Variants in SGK3 observed in about 807,000 individuals in gnomAD.
SGK3 encodes the protein serum/glucocorticoid regulated kinase family member 3, also known as serine/threonine-protein kinase Sgk3.
SGK3 carries 47 observed loss-of-function variants against 68.5 expected under a neutral mutation model. That is an observed-to-expected ratio of 0.69 (90% CI 0.54 to 0.87). The LOEUF (loss-of-function observed/expected upper bound fraction) is 0.87, where lower values mean the gene tolerates loss of function less well. Among genes scored for constraint, SGK3 ranks in the 40% least tolerant of loss-of-function variants. The probability of loss-of-function intolerance (pLI) is 0.00; values close to 1 mark genes in which losing one functional copy is unlikely to be tolerated. For synonymous variants in SGK3, 181 were observed against 189.1 expected, an observed-to-expected ratio of 0.96 and a Z score of 0.35; for missense variants, 479 against 575.5, an observed-to-expected ratio of 0.83 and a Z score of 1.72.
At chr8:66,753,214 CA>C (rs1343176903) in intron 1 of SGK3, among the ~76,000 whole-genome samples, 1 of 151,914 alleles carries the variant, frequency 6.6e-6, no homozygotes, top group Non-Finnish European at 1.5e-5. Flanking sequence ...AAAAACTAGG[CA>C]AAAAAAGTTA....
rs1003178380 is a variant in SGK3, at chr8:66,836,769, A to G, written c.741+695A>G. ...ATTCTGCCTTAAACAAAGTCAGGAT[A>G]TCTTTTTTTTTTTTTTTTTTTTTTT... On this transcript the variant is annotated intron_variant, in intron 10 of 16. Coordinates refer to ENST00000521198, the MANE Select transcript of SGK3 (RefSeq NM_001033578.3). Among the ~76,000 whole-genome samples the G allele has an allele frequency of 3.5e-5, 5 of 143,232 alleles. No individual in the cohort carries two copies. In the East Asian group the frequency reaches 8.2e-4, roughly 23 times the overall value. 94.0% of individuals were successfully genotyped at this position (143,232 alleles called of 152,430 possible).
intron 3 of SGK3, among the ~76,000 whole-genome samples, chr8:66,802,541 C>A (rs1807988079): frequency 6.6e-6 from 1 of 151,900 alleles, no homozygotes; most frequent in Admixed American, 6.6e-5. Flanking sequence ...AATAAGACAA[C>A]TTGCTAGGTG....
intron 5 of SGK3, among the ~76,000 whole-genome samples, chr8:66,816,406 C>T (rs1028124620): frequency 9.4e-5 from 12 of 127,060 alleles, no homozygotes; most frequent in Admixed American, 6.4e-4. Context: ...AGTGCAGTGG[C>T]GCAATCTCAG....
intron 8 of SGK3, among the ~76,000 whole-genome samples, 179 bp downstream of exon 8, chr8:66,831,490 C>G (rs1809300548): frequency 6.6e-6 from 1 of 152,018 alleles, no homozygotes; most frequent in African/African-American, 2.4e-5. Context: ...TAGGCACACA[C>G]CAGCATGCCT....
At chr8:66,810,616 G>A (rs571972938) in intron 4 of SGK3, among the ~76,000 whole-genome samples, 5 of 152,250 alleles carry the variant, frequency 3.3e-5, no homozygotes, top group East Asian at 1.9e-4. Context: ...CAGGAGAATC[G>A]CTTGAACCTG....
At chr8:66,797,800 C>A (rs982918843) in intron 2 of SGK3, among the ~76,000 whole-genome samples, 2 of 152,072 alleles carry the variant, frequency 1.3e-5, no homozygotes. Context: ...AGGAAAGTGG[C>A]AACAGTTGAA....
chr8:66,744,583 C>T (rs1236958342), intron 1 of SGK3, among the ~76,000 whole-genome samples: 2 of 127,714 alleles, frequency 1.6e-5, no homozygotes, highest in Non-Finnish European at 3.2e-5. Flanking sequence ...CTGGAGCTCA[C>T]TGCAACCTCT....
chr8:66,784,646 T>TA (rs1412891335), intron 1 of SGK3, among the ~76,000 whole-genome samples: 1 of 152,072 alleles, frequency 6.6e-6, no homozygotes, highest in East Asian at 1.9e-4. Context: ...CCAAGGACAG[T>TA]AAGTAGCATA....
intron 1 of SGK3, among the ~76,000 whole-genome samples, chr8:66,767,087 C>T (rs1353420819): frequency 5.9e-5 from 9 of 152,194 alleles, no homozygotes; most frequent in Admixed American, 3.9e-4. Flanking sequence ...TCAGGTGATC[C>T]GCCTGCCTCA....
chr8:66,854,411 T>C (rs571046221), intron 16 of SGK3, among the ~76,000 whole-genome samples: 1 of 152,278 alleles, frequency 6.6e-6, no homozygotes, highest in African/African-American at 2.4e-5. Context: ...AAGTATGGCA[T>C]AGTCCTGCCC....
At chr8:66,723,111 ATATATATATATATATATATATTTT>A (rs1262502866) in intron 1 of SGK3, among the ~76,000 whole-genome samples, 4 of 46,464 alleles carry the variant, frequency 8.6e-5, no homozygotes, top group Non-Finnish European at 1.3e-4. Context: ...ATATATATAT[ATATATATATATATATATATATTTT>A]TTTTTTTTTT....
At chr8:66,840,631 A>C (rs375038848) in intron 12 of SGK3, 1 of 208,120 alleles carries the variant, frequency 4.8e-6, no homozygotes, top group Admixed American at 5.6e-5. Flanking sequence ...ATATGGATCT[A>C]TAATTATGTC....
intron 14 of SGK3, among the ~76,000 whole-genome samples, chr8:66,844,216 A>G (rs953873240): frequency 2.6e-5 from 4 of 152,126 alleles, no homozygotes; most frequent in Non-Finnish European, 5.9e-5. Context: ...ATGATTTTGC[A>G]TTTATCAATA....
chr8:66,849,057 C>A (rs994236821), intron 15 of SGK3, among the ~76,000 whole-genome samples: 2 of 152,198 alleles, frequency 1.3e-5, no homozygotes, highest in African/African-American at 4.8e-5. Context: ...GTGTAAGCTC[C>A]TTTTCAAACT....
intron 1 of SGK3, among the ~76,000 whole-genome samples, chr8:66,727,041 G>T (rs2130355068): frequency 6.6e-6 from 1 of 152,118 alleles, no homozygotes; most frequent in Middle Eastern, 3.4e-3. Flanking sequence ...GTTGATTTTT[G>T]TTGCATGTTA....
In SGK3 at chr8:66,786,925, C is replaced by CTTT. The variant is rs71249407; in HGVS notation, c.-121-6663_-121-6661dup. ...TCTGTGAGGGTAGGATTTTCTCTGT[C>CTTT]TTTTTTTTTTTTTTTTTTTTTTTTT... On this transcript the variant is annotated intron_variant, in intron 1 of 16. Transcript: ENST00000521198. Among the ~76,000 whole-genome samples, 75 of 48,688 alleles carry CTTT rather than the reference C, an allele frequency of 1.5e-3. 5 individuals are homozygous for CTTT. The highest frequency in any genetic ancestry group is 3.3e-3 in the East Asian group (6 of 1,840). The allele number at this position is 48,688 out of a possible 152,430, so 31.9% of individuals were successfully genotyped here.
intron 15 of SGK3, among the ~76,000 whole-genome samples, chr8:66,848,354 T>C (rs1184647105): frequency 6.6e-6 from 1 of 152,240 alleles, no homozygotes; most frequent in Non-Finnish European, 1.5e-5. Context: ...CCCCACTGTC[T>C]GGTAATACTC....
intron 4 of SGK3, among the ~76,000 whole-genome samples, chr8:66,805,113 G>T (rs928470724): frequency 1.3e-5 from 2 of 152,020 alleles, no homozygotes; most frequent in African/African-American, 4.8e-5. Context: ...GTTAATTTGG[G>T]AAACTTTACA....
At chr8:66,830,848 C>A (rs1809275412) in intron 7 of SGK3, among the ~76,000 whole-genome samples, 2 of 152,118 alleles carry the variant, frequency 1.3e-5, no homozygotes, top group Non-Finnish European at 2.9e-5. Context: ...GTTATATAGT[C>A]CTTAGAATGT....
Sources: gnomAD v4.1 joint callset for allele counts (sites outside exome capture counted in the v4.1 genomes callset) on GRCh38, gnomAD v4.1.1 for gene constraint, MANE v1.5 for transcripts, NCBI Gene and HGNC (gene_info 2026-07-23, HGNC 2026-07-21) for gene names.